The following CYP24A1 variants were observed in gnomAD, a reference collection of about 807,000 sequenced individuals.
CYP24A1 encodes cytochrome P450 family 24 subfamily A member 1.
In CYP24A1, 68 loss-of-function variants were observed where a neutral mutation model predicts 62.4. That is an observed-to-expected ratio of 1.09 (90% CI 0.90 to 1.33). The LOEUF (loss-of-function observed/expected upper bound fraction) is 1.33, where lower values mean the gene tolerates loss of function less well. Among genes scored for constraint, CYP24A1 ranks in the 40% most tolerant of loss-of-function variants. The pLI is 0.00. For synonymous variants in CYP24A1, 267 were observed against 253.0 expected, an observed-to-expected ratio of 1.06 and a Z score of -0.52; for missense variants, 787 against 653.0, an observed-to-expected ratio of 1.21 and a Z score of -2.24.
intron 11 of CYP24A1, among the ~76,000 whole-genome samples, chr20:54,155,479 A>C (rs1035825933): frequency 1.3e-5 from 2 of 152,092 alleles, no homozygotes; most frequent in Admixed American, 6.6e-5. Context: ...CACACTTGCA[A>C]TCCCAGCACT....
intron 7 of CYP24A1, 140 bp from the exon 8 acceptor site, chr20:54,159,263 C>T: frequency 2.9e-6 from 2 of 685,276 alleles, no homozygotes; most frequent in Non-Finnish European, 2.6e-6. Flanking sequence ...ATAGCTACGC[C>T]TTTAGACAAA....
intron 6 of CYP24A1, among the ~76,000 whole-genome samples, chr20:54,163,224 T>G (rs891104558): frequency 5.3e-5 from 8 of 152,090 alleles, no homozygotes; most frequent in African/African-American, 1.9e-4. Context: ...TAGTAAGAGT[T>G]TAGATCTTGG....
chr20:54,173,691 A>AG lies in CYP24A1; in HGVS notation c.-113dup. On this transcript the variant is annotated 5_prime_UTR_variant, in exon 1 of 12. Coordinates refer to ENST00000216862, the MANE Select transcript of CYP24A1 (RefSeq NM_000782.5). This position sits in a 1 kb window ranked among gnomAD's most constrained non-coding sequence, Gnocchi z 7.2. ...ACGATTCTGGGAAAAGGAAGCAAAG[A>AG]GGGCCAGCTGGTGTGATGGAGCGGG... is the stretch of plus-strand genomic sequence containing the variant. 1 of 718,672 alleles carries AG rather than the reference A, an allele frequency of 1.4e-6. No homozygotes were observed. Among genetic ancestry groups the AG allele is most frequent in the Non-Finnish European group, 2.3e-6 (1 of 431,020 alleles). The allele number at this position is 718,672 out of a possible 1,614,324, so 44.5% of individuals were successfully genotyped here.
At position 54,173,471 on chromosome 20, in the gene CYP24A1, G is replaced by A; in HGVS notation, c.109C>T (p.Gln37Ter). 6.4e-7 allele frequency: 1 copy of A among 1,566,436 alleles called. No homozygotes were observed. Among genetic ancestry groups the A allele is most frequent in the African/African-American group, 1.4e-5 (1 of 73,858 alleles). The change falls in exon 1 of 12, where the codon CAG becomes TAG. Residue 37 changes from glutamine (Q) to a stop codon, truncating the protein, a stop_gained. Transcript: ENST00000216862. LOFTEE classifies it high-confidence loss of function. The surrounding 1 kb of genome is among the most constrained non-coding windows in gnomAD (Gnocchi z 7.2). ...GGGCAGACTGGCACCTCTCGCGGCT[G>A]AGGGGACGTGTACGCCGTAGATGTC... ...LVTSTAYTSP[Q>*]PREVPVCPLT...
the CYP24A1 span, among the ~76,000 whole-genome samples, chr20:54,148,369 GACAC>G: frequency 0.03 from 3,978 of 133,432 alleles, 122 homozygotes; most frequent in East Asian, 0.095. Flanking sequence ...CAGACACACA[GACAC>G]ACACACACAC....
At chr20:54,155,535 C>T (rs2092624497) in intron 11 of CYP24A1, among the ~76,000 whole-genome samples, 1 of 151,926 alleles carries the variant, frequency 6.6e-6, no homozygotes, top group Admixed American at 6.6e-5. Context: ...AGTTCAAGAC[C>T]AGTCTGGCCA....
intron 4 of CYP24A1, among the ~76,000 whole-genome samples, chr20:54,166,307 AG>A (rs1251522524): frequency 1.3e-5 from 2 of 152,140 alleles, no homozygotes; most frequent in Non-Finnish European, 2.9e-5. Flanking sequence ...CACTTCATAT[AG>A]GGTTTTTTTT....
At chr20:54,158,908 G>A (rs755992411) in intron 8 of CYP24A1, 49 bp downstream of exon 8, 31 of 1,613,780 alleles carry the variant, frequency 1.9e-5, no homozygotes, top group East Asian at 2.2e-5. Flanking sequence ...TTGTGTTTAC[G>A]AGAACAGTGT....
downstream of CYP24A1, among the ~76,000 whole-genome samples, chr20:54,153,207 G>C (rs6013904): frequency 1.0e-3 from 158 of 152,240 alleles, no homozygotes; most frequent in Non-Finnish European, 1.9e-3. Context: ...GATTGGAAAG[G>C]GGGTAGAGAT....
At position 54,154,307 on chromosome 20, in the gene CYP24A1, T is replaced by A. The variant is rs1428481533; in HGVS notation, c.*465A>T. ...TTTCCCAATAATGTTTTTATTTCAA[T>A]GCAGGAAGAACGCAATTTCATGGGA... On this transcript the variant is annotated 3_prime_UTR_variant, in exon 12 of 12. Coordinates refer to ENST00000216862, the MANE Select transcript of CYP24A1 (RefSeq NM_000782.5). 6.6e-6 allele frequency: 1 copy of A among 152,230 alleles called. No homozygotes were observed. The highest frequency in any genetic ancestry group is 2.4e-5 in the African/African-American group (1 of 41,456). The allele number at this position is 152,230 out of a possible 1,614,324, so 9.4% of individuals were successfully genotyped here.
chr20:54,147,277 T>C, the CYP24A1 span, among the ~76,000 whole-genome samples: 1 of 152,210 alleles, frequency 6.6e-6, no homozygotes, highest in African/African-American at 2.4e-5. Flanking sequence ...CAAAATAGAT[T>C]AGTGGCCCTA....
Position 54,172,968 on chromosome 20 carries a change from C to T in CYP24A1, c.390G>A (p.Glu130=). The change falls in exon 2 of 12, where the codon GAG becomes GAA. Residue 130 remains glutamate, a synonymous_variant. Transcript: ENST00000216862. The part of the protein sequence containing the change: ...RTESAYPQRL[E]IKPWKAYRDY... ...CGCGATAGGCCTTCCACGGTTTGATCTCCAGCCGCTGCGGGTACGCGCTCT... is the reference window on the plus strand; with the variant it reads ...CGCGATAGGCCTTCCACGGTTTGATTTCCAGCCGCTGCGGGTACGCGCTCT... The T allele has an allele frequency of 6.2e-7, 1 of 1,613,502 alleles. No individual in the cohort carries two copies. The highest frequency in any genetic ancestry group is 8.5e-7 in the Non-Finnish European group (1 of 1,180,044).
rs2092633753 is a variant in CYP24A1 at position 54,157,553 on chromosome 20, T to C, written c.1269A>G (p.Gly423=). Residue 423 remains glycine, a synonymous_variant, in exon 10 of 12, where the codon GGA becomes GGG. Transcript: ENST00000216862. ...TVLMLNTQVL[G]SSEDNFEDSS... is the part of the protein sequence containing the mutation. Reference sequence around the variant, plus strand: ...AATCTTCAAAATTGTCTTCACTGGATCCCAACACCTGGGTATTTAGCATGA... The same window carrying C: ...AATCTTCAAAATTGTCTTCACTGGACCCCAACACCTGGGTATTTAGCATGA... 1.2e-6 allele frequency: 2 copies of C among 1,601,354 alleles called. No individual in the cohort carries two copies. The highest frequency in any genetic ancestry group is 8.6e-7 in the Non-Finnish European group (1 of 1,168,356).
At chr20:54,169,558 A>C in intron 4 of CYP24A1, 34 bp downstream of exon 4, 2 of 1,613,938 alleles carry the variant, frequency 1.2e-6, no homozygotes, top group Non-Finnish European at 1.7e-6. Context: ...AATCACCTGC[A>C]AAATCAGTGA....
intron 7 of CYP24A1, 84 bp downstream of exon 7, chr20:54,162,633 T>G: frequency 3.5e-6 from 3 of 845,884 alleles, no homozygotes; most frequent in Non-Finnish European, 6.1e-6. Context: ...GTGAAATGAA[T>G]GAGATGAATT....
Position 54,173,187 on chromosome 20 carries a change from G to A in CYP24A1, c.259-88C>T, listed in dbSNP as rs2092700712. 6.5e-7 allele frequency: 1 copy of A among 1,536,102 alleles called. No homozygotes were observed. Among genetic ancestry groups the A allele is most frequent in the South Asian group, 1.1e-5 (1 of 88,740 alleles). ...CCCTCCTCCCGCCTCCTTCCTCCTA[G>A]GGGACCGGGGACCCTCCCTGCCCAG... On this transcript the variant is annotated intron_variant, in intron 1 of 11. Coordinates refer to ENST00000216862, the MANE Select transcript of CYP24A1 (RefSeq NM_000782.5). This position sits in a 1 kb window ranked among gnomAD's most constrained non-coding sequence, Gnocchi z 7.2.
chr20:54,159,017 G>A lies in CYP24A1; in HGVS notation c.1097C>T (p.Pro366Leu), dbSNP rs2092640012. Residue 366 changes from proline to leucine, a missense_variant, in exon 8 of 12, where the codon CCA (proline) becomes CTA (leucine). Pro to Leu is a moderately conservative substitution (Grantham distance 98). Coordinates refer to ENST00000216862, the MANE Select transcript of CYP24A1 (RefSeq NM_000782.5). ...IQSVLPENQV[P>L]RAEDLRNMPY... ...CATATTCCTCAAATCTTCTGCCCGT[G>A]GCACCTGATTCTCAGGTAATACACT... The A allele has an allele frequency of 1.2e-6, 2 of 1,614,092 alleles. No homozygotes were observed. Among genetic ancestry groups the A allele is most frequent in the South Asian group, 1.1e-5 (1 of 91,070 alleles).
intron 2 of CYP24A1, among the ~76,000 whole-genome samples, chr20:54,172,628 G>T (rs1225729457): frequency 6.6e-6 from 1 of 152,186 alleles, no homozygotes; most frequent in Admixed American, 6.5e-5. Flanking sequence ...ACCACAGTTG[G>T]TACAACCCTG....
At chr20:54,160,338 C>T (rs1235691031) in intron 7 of CYP24A1, among the ~76,000 whole-genome samples, 1 of 152,240 alleles carries the variant, frequency 6.6e-6, no homozygotes, top group Non-Finnish European at 1.5e-5. Context: ...ATAATATTCA[C>T]CACTAGTAGT....
Sources: allele counts gnomAD v4.1 joint callset (sites outside exome capture counted in the v4.1 genomes callset), GRCh38; gene constraint gnomAD v4.1.1; non-coding constraint Gnocchi (gnomAD v3.1); transcripts MANE v1.5; gene names NCBI Gene and HGNC (gene_info 2026-07-23, HGNC 2026-07-21).